Variants in DNAH11 observed in about 807,000 individuals in gnomAD.
The protein encoded by DNAH11 is dynein axonemal heavy chain 11.
Under a neutral mutation model 526.0 loss-of-function variants are expected in DNAH11, and 442 were observed. The ratio of observed to expected loss-of-function variants is 0.84; its 90% CI spans 0.78 to 0.91. DNAH11 has a LOEUF of 0.91. Ranked by LOEUF, DNAH11 falls within the 40% of genes least tolerant of loss-of-function variation. The pLI, the probability that DNAH11 is intolerant of heterozygous loss-of-function variation, is 0.00. For synonymous variants in DNAH11, 2,461 were observed against 1,935.9 expected, an observed-to-expected ratio of 1.27 and a Z score of -7.12; for missense variants, 6,989 against 5,448.7, an observed-to-expected ratio of 1.28 and a Z score of -8.90.
At position 21,735,269 on chromosome 7, in the gene DNAH11, T is replaced by C. The variant is rs142854560; in HGVS notation, c.7441-371T>C. On this transcript the variant is annotated intron_variant, in intron 45 of 81. Coordinates refer to ENST00000409508, the MANE Select transcript of DNAH11 (RefSeq NM_001277115.2). ...TTCTCATCTCCTGAAATGTTGTAGA[T>C]AGTTTCTTATATGGTTACTATATTC... Among the ~76,000 whole-genome samples, 5 of 152,332 alleles carry C rather than the reference T, an allele frequency of 3.3e-5. No homozygotes were observed. The East Asian group carries it at 5.8e-4, about 18-fold the overall frequency.
intron 20 of DNAH11, 72 bp downstream of exon 20, chr7:21,606,805 TA>T: frequency 1.6e-6 from 2 of 1,269,162 alleles, no homozygotes; most frequent in Non-Finnish European, 2.2e-6. Context: ...AGACACAAAA[TA>T]CTGCCACATT....
chr7:21,591,306 C>T lies in DNAH11; in HGVS notation c.2396C>T (p.Ala799Val), dbSNP rs1784672844. 4 of 1,613,680 alleles carry T rather than the reference C, an allele frequency of 2.5e-6. No homozygotes were observed. Among genetic ancestry groups the T allele is most frequent in the Non-Finnish European group, 3.4e-6 (4 of 1,179,790 alleles). Residue 799 changes from alanine (A) to valine (V), a missense_variant, in exon 14 of 82, where the codon GCC (alanine) becomes GTC (valine). By Grantham distance (64) the Ala-to-Val change is moderately conservative. Transcript: ENST00000409508. The part of the protein sequence containing the change: ...LRAIDEQLTA[A>V]TTWLTWQDDC... ...GCTATTGACGAGCAGCTGACAGCAG[C>T]CACAACGTGGCTGACATGGCAGGAT...
intron 30 of DNAH11, among the ~76,000 whole-genome samples, chr7:21,666,329 A>G (rs368383105): frequency 6.6e-6 from 1 of 152,200 alleles, no homozygotes; most frequent in African/African-American, 2.4e-5. Context: ...CCTTGGTGAA[A>G]GTGTTTTGTT....
At chr7:21,900,908 A>ACCAGAATGTTGAATGTTTAT in intron 81 of DNAH11, 99 bp from the exon 82 acceptor site, 1 of 1,477,786 alleles carries the variant, frequency 6.8e-7, no homozygotes, top group African/African-American at 1.4e-5. Flanking sequence ...ATATGACAAA[A>ACCAGAATGTTGAATGTTTAT]CCAGAATGTT....
At chr7:21,691,992 G>A (rs1394576487) in intron 35 of DNAH11, among the ~76,000 whole-genome samples, 1 of 152,214 alleles carries the variant, frequency 6.6e-6, no homozygotes, top group Non-Finnish European at 1.5e-5. Context: ...CTCTGCCAAT[G>A]TATGCACTTA....
intron 79 of DNAH11, among the ~76,000 whole-genome samples, chr7:21,896,342 TGATA>T (rs931417752): frequency 1.2e-4 from 18 of 152,314 alleles, no homozygotes; most frequent in Admixed American, 5.2e-4. Context: ...CCTTCTTGAT[TGATA>T]GTTTACTTAT....
chr7:21,894,340 G>C (rs1367137105), intron 77 of DNAH11, among the ~76,000 whole-genome samples: 1 of 152,156 alleles, frequency 6.6e-6, no homozygotes, highest in Non-Finnish European at 1.5e-5. Context: ...AATGTTAAGT[G>C]AGTAAACTGC....
chr7:21,586,007 C>G (rs917144049), intron 9 of DNAH11, among the ~76,000 whole-genome samples: 4 of 152,190 alleles, frequency 2.6e-5, no homozygotes, highest in Admixed American at 2.0e-4. Flanking sequence ...ATGACCTTTA[C>G]TCTCCTCCTG....
intron 34 of DNAH11, among the ~76,000 whole-genome samples, chr7:21,689,601 C>G (rs147282835): frequency 1.3e-5 from 2 of 152,252 alleles, no homozygotes; most frequent in African/African-American, 4.8e-5. Flanking sequence ...CAAGAGCCAC[C>G]GCTCTGCGTG....
Position 21,725,836 on chromosome 7 carries a change from G to T in DNAH11, c.7292G>T (p.Ser2431Ile), listed in dbSNP as rs185039462. The change falls in exon 45 of 82, where the codon AGT becomes ATT. Residue 2431 changes from serine to isoleucine, a missense_variant. By Grantham distance (142) the Ser-to-Ile change is moderately radical. Coordinates refer to ENST00000409508, the MANE Select transcript of DNAH11 (RefSeq NM_001277115.2). ...ATTTCTGATTATCAAGCTGACTTCA[G>T]TCGGTGGTGGCAGAAAGAGATGAAA... ...DQISDYQADF[S>I]RWWQKEMKAV... 54 of 1,611,882 alleles carry T rather than the reference G, an allele frequency of 3.4e-5. No homozygotes were observed. In the East Asian group the frequency reaches 1.1e-3, roughly 33 times the overall value.
chr7:21,593,218 G>GC (rs1374339085), intron 14 of DNAH11, among the ~76,000 whole-genome samples: 1 of 152,166 alleles, frequency 6.6e-6, no homozygotes, highest in African/African-American at 2.4e-5. Context: ...AGGAGGAAGA[G>GC]CTCAACTCTG....
intron 36 of DNAH11, among the ~76,000 whole-genome samples, chr7:21,700,208 A>AAGAGGAAGGTGTTGGG (rs1410720942): frequency 1.3e-5 from 2 of 152,206 alleles, no homozygotes; most frequent in African/African-American, 4.8e-5. Flanking sequence ...AGCCAATTAC[A>AAGAGGAAGGTGTTGGG]AGAGGAAGGT....
rs1359995440 is a variant in DNAH11 at position 21,816,389 on chromosome 7, C to T, written c.10333-78C>T. 5 of 1,210,942 alleles carry T rather than the reference C, an allele frequency of 4.1e-6. 1 individual carries two copies. In the South Asian group the frequency reaches 5.6e-5, roughly 14 times the overall value. The allele number at this position is 1,210,942 out of a possible 1,614,324, so 75.0% of individuals were successfully genotyped here. A position where few individuals can be genotyped will look rare whatever the true frequency, so the allele number is the denominator to read the frequency against. The stretch of plus-strand genomic sequence containing the variant: ...TTTACCTAGGGTTACTTTCTCATGA[C>T]TTTGTTCTCTTCTTTTCTTGTCTGT... On this transcript the variant is annotated intron_variant, in intron 63 of 81. Transcript: ENST00000409508.
At chr7:21,673,000 C>A (rs1355168629) in intron 30 of DNAH11, among the ~76,000 whole-genome samples, 2 of 152,114 alleles carry the variant, frequency 1.3e-5, no homozygotes, top group East Asian at 3.9e-4. Context: ...TCCTATACAC[C>A]CCAATGGTGG....
chr7:21,780,137 G>A (rs1787875668), intron 57 of DNAH11, among the ~76,000 whole-genome samples: 1 of 66,170 alleles, frequency 1.5e-5, no homozygotes, highest in South Asian at 4.3e-4. Context: ...TAAGATTATG[G>A]CATTAAAATT....
rs897942112 is a variant in DNAH11, at chr7:21,571,990, G to A, written c.1593+17G>A. 2.7e-6 allele frequency: 4 copies of A among 1,492,408 alleles called. No homozygotes were observed. The highest frequency in any genetic ancestry group is 1.5e-5 in the South Asian group (1 of 67,310). The allele number at this position is 1,492,408 out of a possible 1,614,324, so 92.4% of individuals were successfully genotyped here. ...ACTAACATGGTAATGTTGTACCTTT[G>A]CATTTTCATTGCATGGGATCCTATA... On this transcript the variant is annotated intron_variant, in intron 8 of 81. Coordinates refer to ENST00000409508, the MANE Select transcript of DNAH11 (RefSeq NM_001277115.2).
At chr7:21,733,548 C>T (rs1481860342) in intron 45 of DNAH11, among the ~76,000 whole-genome samples, 1 of 152,154 alleles carries the variant, frequency 6.6e-6, no homozygotes, top group African/African-American at 2.4e-5. Context: ...TGTTATCAAC[C>T]AAGACTGCTG....
intron 64 of DNAH11, among the ~76,000 whole-genome samples, chr7:21,817,704 TG>T (rs935642557): frequency 3.4e-4 from 51 of 151,378 alleles, no homozygotes; most frequent in South Asian, 8.4e-4. Context: ...TATTTTTTTT[TG>T]ATGTAGTTTT....
In DNAH11 at chr7:21,895,014, C is replaced by T. The variant is rs200860431; in HGVS notation, c.13049+15C>T. On this transcript the variant is annotated intron_variant, in intron 79 of 81. Transcript: ENST00000409508. ...CTAGCCCAGTGGTAAGCTACCCCATCCTCACTGCCACTGGCCCTGAGCAGC... is the reference window on the plus strand; with the variant it reads ...CTAGCCCAGTGGTAAGCTACCCCATTCTCACTGCCACTGGCCCTGAGCAGC... 1.3e-3 allele frequency: 2,022 copies of T among 1,606,188 alleles called. 7 individuals are homozygous for T. The highest frequency in any genetic ancestry group is 1.6e-3 in the Non-Finnish European group (1,922 of 1,173,112).
Sources: allele counts gnomAD v4.1 joint callset (sites outside exome capture counted in the v4.1 genomes callset), GRCh38; gene constraint gnomAD v4.1.1; transcripts MANE v1.5; gene names NCBI Gene and HGNC (gene_info 2026-07-23, HGNC 2026-07-21).